The following SEPTIN9 variants were observed in gnomAD, a reference collection of about 807,000 sequenced individuals.
SEPTIN9 encodes the protein septin 9.
SEPTIN9 carries 13 observed loss-of-function variants against 56.6 expected under a neutral mutation model. The ratio of observed to expected loss-of-function variants is 0.23; its 90% CI spans 0.15 to 0.37. The LOEUF is 0.37. SEPTIN9 is among the 10% of genes least tolerant of loss of function. The probability of loss-of-function intolerance (pLI) is 1.00; values close to 1 mark genes in which losing one functional copy is unlikely to be tolerated. For synonymous variants in SEPTIN9, 332 were observed against 334.1 expected (o/e 0.99, Z 0.07); for missense variants, 650 against 823.1 (o/e 0.79, Z 2.57).
At chr17:77,298,526 G>A (rs1040037202) in intron 1 of SEPTIN9, among the ~76,000 whole-genome samples, 3 of 152,212 alleles carry the variant, frequency 2.0e-5, no homozygotes, top group Non-Finnish European at 2.9e-5. Flanking sequence ...GATGAACTGC[G>A]GCTCAGCCTT....
intron 2 of SEPTIN9, chr17:77,380,066 G>C (rs779752981): frequency 6.3e-6 from 1 of 158,874 alleles, no homozygotes; most frequent in African/African-American, 2.4e-5. Context: ...ACCCCCAGGC[G>C]CCTGGGGCAT....
intron 2 of SEPTIN9, among the ~76,000 whole-genome samples, chr17:77,352,017 G>C (rs1349112320): frequency 6.6e-6 from 1 of 152,212 alleles, no homozygotes; most frequent in African/African-American, 2.4e-5. Context: ...CCGTGGGGGA[G>C]GGGCCCTTGC....
At chr17:77,484,969 G>GT (rs2039666932) in intron 4 of SEPTIN9, among the ~76,000 whole-genome samples, 2 of 77,842 alleles carry the variant, frequency 2.6e-5, no homozygotes, top group Non-Finnish European at 5.7e-5. Context: ...TGGTGGTGAA[G>GT]GGGGTGATGG....
intron 2 of SEPTIN9, among the ~76,000 whole-genome samples, chr17:77,364,533 CTCTT>C (rs2034515630): frequency 6.6e-6 from 1 of 152,232 alleles, no homozygotes; most frequent in South Asian, 2.1e-4. Flanking sequence ...TTCCTCTTCT[CTCTT>C]CTCCATCATC....
chr17:77,359,273 A>T (rs1275423139), intron 2 of SEPTIN9, among the ~76,000 whole-genome samples: 1 of 152,364 alleles, frequency 6.6e-6, no homozygotes, highest in Admixed American at 6.5e-5. Flanking sequence ...TATTGGGGAA[A>T]CAACTAGCAT....
rs143109248 is a variant in SEPTIN9 at position 77,307,148 on chromosome 17, G to A, written c.27G>A (p.Thr9=). MKKSYSGG[T]RTSSGRLRRL... ...CTTTGTCTCTGTCTTTAGGAGGCACGCGGACCTCCAGTGGCCGGCTCCGGA... is the reference window on the plus strand; with the variant it reads ...CTTTGTCTCTGTCTTTAGGAGGCACACGGACCTCCAGTGGCCGGCTCCGGA... Residue 9 remains threonine, a synonymous_variant, in exon 2 of 12, where the codon ACG becomes ACA. Transcript: ENST00000427177. 70 of 1,613,792 alleles carry A rather than the reference G, an allele frequency of 4.3e-5. No homozygotes were observed. Among genetic ancestry groups the A allele is most frequent in the Non-Finnish European group, 5.5e-5 (65 of 1,179,854 alleles).
intron 2 of SEPTIN9, among the ~76,000 whole-genome samples, chr17:77,350,327 G>A (rs1039790014): frequency 1.3e-5 from 2 of 152,218 alleles, no homozygotes; most frequent in Non-Finnish European, 2.9e-5. Flanking sequence ...GCCCCCAAAG[G>A]CAGAAACTCA....
chr17:77,344,984 A>AG (rs1388370391), intron 2 of SEPTIN9, among the ~76,000 whole-genome samples: 8 of 150,986 alleles, frequency 5.3e-5, no homozygotes, highest in South Asian at 2.1e-4. Context: ...AAAAAAAAAA[A>AG]AAAAAAAAAA....
rs904240556 is a variant in SEPTIN9, at chr17:77,327,258, C to A, written c.76+20061C>A. ...GCCCTCAGGTTAGTTTATTTTTACCCGGCCTGCTCCCACCAGGGGCTGAGG... is the reference window on the plus strand; with the variant it reads ...GCCCTCAGGTTAGTTTATTTTTACCAGGCCTGCTCCCACCAGGGGCTGAGG... On this transcript the variant is annotated intron_variant, in intron 2 of 11. Coordinates refer to ENST00000427177, the MANE Select transcript of SEPTIN9 (RefSeq NM_001113491.2). This position sits in a 1 kb window ranked among gnomAD's most constrained non-coding sequence, Gnocchi z 5.0. Among the ~76,000 whole-genome samples, 51 of 152,132 alleles carry A rather than the reference C, an allele frequency of 3.4e-4. No individual in the cohort carries two copies. Among genetic ancestry groups the A allele is most frequent in the African/African-American group, 1.2e-3 (50 of 41,500 alleles).
Position 77,402,017 on chromosome 17 carries a change from G to A in SEPTIN9, c.77-42G>A. The stretch of plus-strand genomic sequence containing the variant: ...AGGAAACATGCCGGAGTGTTCCCTA[G>A]CCATCCATTCACCAATTGCATCCCC... On this transcript the variant is annotated intron_variant, in intron 2 of 11. Coordinates refer to ENST00000427177, the MANE Select transcript of SEPTIN9 (RefSeq NM_001113491.2). The surrounding 1 kb of genome is among the most constrained non-coding windows in gnomAD (Gnocchi z 6.6). The A allele has an allele frequency of 6.3e-7, 1 of 1,591,666 alleles. No homozygotes were observed. Among genetic ancestry groups the A allele is most frequent in the Non-Finnish European group, 8.6e-7 (1 of 1,165,190 alleles).
intron 5 of SEPTIN9, 145 bp from the exon 6 acceptor site, chr17:77,488,095 T>G: frequency 1.4e-6 from 1 of 730,054 alleles, no homozygotes; most frequent in Non-Finnish European, 2.4e-6. Flanking sequence ...TGTGCCGGAG[T>G]TGGCTGAGGA....
chr17:77,485,304 G>A (rs2039727168), intron 4 of SEPTIN9, among the ~76,000 whole-genome samples: 1 of 151,426 alleles, frequency 6.6e-6, no homozygotes, highest in Non-Finnish European at 1.5e-5. Flanking sequence ...GGGTGATGAT[G>A]TTAGTAGTGG....
chr17:77,360,757 G>T (rs936606280), intron 2 of SEPTIN9, among the ~76,000 whole-genome samples: 1 of 151,798 alleles, frequency 6.6e-6, no homozygotes, highest in Non-Finnish European at 1.5e-5. Flanking sequence ...GTAGAGACGG[G>T]GTTTCACCGT....
intron 3 of SEPTIN9, among the ~76,000 whole-genome samples, chr17:77,432,350 C>T (rs2037176367): frequency 6.6e-6 from 1 of 152,238 alleles, no homozygotes; most frequent in Admixed American, 6.5e-5. Context: ...ATCACGGCGG[C>T]ATTGGCTGCT....
intron 1 of SEPTIN9, among the ~76,000 whole-genome samples, chr17:77,282,854 G>T (rs1432650360): frequency 6.6e-6 from 1 of 152,242 alleles, no homozygotes; most frequent in East Asian, 1.9e-4. Flanking sequence ...ACTTGAGATT[G>T]TTGTGGGGAT....
In SEPTIN9 at chr17:77,499,030, C is replaced by T. The variant is rs773235757; in HGVS notation, c.*372C>T. ...AGGCCTTGGGGTGGGGGCCAGGCCT[C>T]GCACTTGCAGAGGAGCCCAGTGGGC... On this transcript the variant is annotated 3_prime_UTR_variant, in exon 12 of 12. Coordinates refer to ENST00000427177, the MANE Select transcript of SEPTIN9 (RefSeq NM_001113491.2). The T allele has an allele frequency of 3.7e-4, 199 of 538,918 alleles. No individual in the cohort carries two copies. The highest frequency in any genetic ancestry group is 5.6e-4 in the Non-Finnish European group (157 of 278,352). The allele number at this position is 538,918 out of a possible 1,614,324, so 33.4% of individuals were successfully genotyped here. A position where few individuals can be genotyped will look rare whatever the true frequency, so the allele number is the denominator to read the frequency against.
intron 10 of SEPTIN9, chr17:77,493,292 G>A (rs1482050609): frequency 4.0e-5 from 23 of 569,706 alleles, no homozygotes; most frequent in South Asian, 3.7e-4. Flanking sequence ...ACCTCCCCCC[G>A]GGCAGGGAAA....
In SEPTIN9 at chr17:77,321,149, G is replaced by A. The variant is rs78001615; in HGVS notation, c.76+13952G>A. Reference sequence around the variant, plus strand: ...GTTTCTGCCGCTCATGCCGCCCTCTGAGCCCAGCGCTGGGAGACATGGGGT... The same window carrying A: ...GTTTCTGCCGCTCATGCCGCCCTCTAAGCCCAGCGCTGGGAGACATGGGGT... On this transcript the variant is annotated intron_variant, in intron 2 of 11. Coordinates refer to ENST00000427177, the MANE Select transcript of SEPTIN9 (RefSeq NM_001113491.2). Among the ~76,000 whole-genome samples the A allele has an allele frequency of 2.0e-5, 3 of 152,356 alleles. No homozygotes were observed. In the East Asian group the frequency reaches 5.8e-4, roughly 29 times the overall value.
chr17:77,406,158 G>T (rs184342678), intron 3 of SEPTIN9, among the ~76,000 whole-genome samples: 1 of 152,150 alleles, frequency 6.6e-6, no homozygotes, highest in African/African-American at 2.4e-5. Flanking sequence ...ATCTCTTCCC[G>T]TGCTGAGCCT....
Sources: gnomAD v4.1 joint callset for allele counts (sites outside exome capture counted in the v4.1 genomes callset) on GRCh38, gnomAD v4.1.1 for gene constraint, Gnocchi (gnomAD v3.1) non-coding constraint, MANE v1.5 for transcripts, NCBI Gene and HGNC (gene_info 2026-07-23, HGNC 2026-07-21) for gene names.